SLC12A6: variants seen among roughly 807,000 people sequenced by gnomAD.
The protein encoded by SLC12A6 is solute carrier family 12 member 6.
A neutral mutation model predicts 135.3 loss-of-function variants in SLC12A6; 66 were observed. The ratio of observed to expected loss-of-function variants is 0.49; its 90% confidence interval spans 0.40 to 0.60. The LOEUF (loss-of-function observed/expected upper bound fraction) is 0.60. Ranked by LOEUF, SLC12A6 falls within the 20% of genes least tolerant of loss-of-function variation. SLC12A6 has a pLI of 0.00. For missense variants in SLC12A6, 1,058 were observed against 1,452.3 expected (o/e 0.73, Z 4.41); for synonymous variants, 513 against 508.8 (o/e 1.01, Z -0.11).
At chr15:34,320,801 C>CAGCTGTTG (rs60308261) in intron 2 of SLC12A6, among the ~76,000 whole-genome samples, 1 of 151,404 alleles carries the variant, frequency 6.6e-6, no homozygotes, top group Non-Finnish European at 1.5e-5. Flanking sequence ...CCTGTAGTTC[C>CAGCTGTTG]AGAAGGCTGA....
intron 14 of SLC12A6, 24 bp downstream of exon 14, chr15:34,245,668 GA>G (rs1373599888): frequency 6.3e-7 from 1 of 1,585,664 alleles, no homozygotes; most frequent in Non-Finnish European, 8.7e-7. Flanking sequence ...AAAAAAAGAA[GA>G]GGGCATAATA....
intron 24 of SLC12A6, 54 bp from the exon 25 acceptor site, chr15:34,235,368 G>A (rs1176370989): frequency 3.4e-6 from 5 of 1,490,346 alleles, no homozygotes; most frequent in African/African-American, 1.4e-5. Context: ...TAGCCATAAA[G>A]TCAACGTTAA....
chr15:34,230,959 T>G lies in SLC12A6; in HGVS notation c.*2922A>C, dbSNP rs1413557590. The G allele has an allele frequency of 6.6e-6, 1 of 152,176 alleles. No homozygotes were observed. Among genetic ancestry groups the G allele is most frequent in the African/African-American group, 2.4e-5 (1 of 41,424 alleles). The allele number at this position is 152,176 out of a possible 1,614,324, so 9.4% of individuals were successfully genotyped here. On this transcript the variant is annotated 3_prime_UTR_variant, in exon 26 of 26. Coordinates refer to ENST00000354181, the MANE Select transcript of SLC12A6 (RefSeq NM_001365088.1). ...ACTAACTTTACTTTCTGCCCATAAT[T>G]TGTTCTACATGGAAAAAAAAAATAT...
intron 2 of SLC12A6, among the ~76,000 whole-genome samples, chr15:34,322,283 A>C (rs1889145788): frequency 6.6e-6 from 1 of 152,142 alleles, no homozygotes; most frequent in Non-Finnish European, 1.5e-5. Flanking sequence ...GGGGAGGCTA[A>C]GGCAGGAGAA....
rs1892616672 is a variant in SLC12A6, at chr15:34,254,557, G to C, written c.909C>G (p.His303Gln). The C allele has an allele frequency of 3.7e-6, 6 of 1,609,154 alleles. No individual in the cohort carries two copies. The highest frequency in any genetic ancestry group is 5.1e-6 in the Non-Finnish European group (6 of 1,175,564). The change falls in exon 9 of 26, where the codon CAC (histidine) becomes CAG (glutamine). Residue 303 changes from histidine (H) to glutamine (Q), a missense_variant. Physicochemically the swap from His to Gln is conservative, Grantham distance 24. Coordinates refer to ENST00000354181, the MANE Select transcript of SLC12A6 (RefSeq NM_001365088.1). ...CTGATTCCTTGAGTGCGTCATCACT[G>C]TGAAAGATGGCAGCTCGGGGGACGA... ...VYIVPRAAIF[H>Q]SDDALKESAA...
chr15:34,315,507 G>A (rs1035047908), intron 2 of SLC12A6, among the ~76,000 whole-genome samples: 2 of 152,072 alleles, frequency 1.3e-5, no homozygotes, highest in Admixed American at 1.3e-4. Flanking sequence ...GGGGAGGATC[G>A]CTTGAGCCCA....
intron 2 of SLC12A6, among the ~76,000 whole-genome samples, chr15:34,313,931 T>G (rs1888442578): frequency 7.0e-6 from 1 of 142,998 alleles, no homozygotes; most frequent in Non-Finnish European, 1.5e-5. Flanking sequence ...ATAGTGAGAC[T>G]CCTGTCTCTT....
At chr15:34,290,711 T>C (rs951939278) in intron 2 of SLC12A6, among the ~76,000 whole-genome samples, 4 of 152,232 alleles carry the variant, frequency 2.6e-5, no homozygotes, top group Non-Finnish European at 5.9e-5. Flanking sequence ...GTTGAATTGA[T>C]TCCTTTACCA....
At chr15:34,318,775 G>T (rs1303450114) in intron 2 of SLC12A6, 1 of 1,587,160 alleles carries the variant, frequency 6.3e-7, no homozygotes, top group Non-Finnish European at 8.6e-7. Context: ...TTCAGACTGT[G>T]ATCCCTGCCT....
chr15:34,325,847 AC>A (rs1398620887), intron 2 of SLC12A6, among the ~76,000 whole-genome samples: 1 of 152,234 alleles, frequency 6.6e-6, no homozygotes, highest in Admixed American at 6.5e-5. Flanking sequence ...CAAGGAGCTC[AC>A]AGTCTTATTA....
In SLC12A6 at chr15:34,233,985, T is replaced by C; in HGVS notation, c.3362-13A>G. 1 of 1,411,442 alleles carries C rather than the reference T, an allele frequency of 7.1e-7. No individual in the cohort carries two copies. Among genetic ancestry groups the C allele is most frequent in the Non-Finnish European group, 1.0e-6 (1 of 994,678 alleles). 87.4% of individuals were successfully genotyped at this position (1,411,442 alleles called of 1,614,324 possible). A position where few individuals can be genotyped will look rare whatever the true frequency, so the allele number is the denominator to read the frequency against. Reference sequence around the variant, plus strand: ...AGGAACTCCATGTCTTCAAAACTTGTCAAGGAGACAGGCAAAAGAAGAGCA... The same window carrying C: ...AGGAACTCCATGTCTTCAAAACTTGCCAAGGAGACAGGCAAAAGAAGAGCA... On this transcript the variant is annotated splice_polypyrimidine_tract_variant and intron_variant, in intron 25 of 25. Coordinates refer to ENST00000354181, the MANE Select transcript of SLC12A6 (RefSeq NM_001365088.1).
intron 2 of SLC12A6, among the ~76,000 whole-genome samples, chr15:34,287,262 T>C (rs990029780): frequency 3.3e-5 from 5 of 152,222 alleles, no homozygotes; most frequent in East Asian, 3.9e-4. Flanking sequence ...GACAGTTTGC[T>C]GAGAATGATG....
intron 2 of SLC12A6, among the ~76,000 whole-genome samples, chr15:34,285,341 G>T (rs1894975011): frequency 6.6e-6 from 1 of 152,124 alleles, no homozygotes; most frequent in Non-Finnish European, 1.5e-5. Flanking sequence ...TCAAAGGAGG[G>T]ACTGACAAGA....
intron 10 of SLC12A6, among the ~76,000 whole-genome samples, chr15:34,251,438 G>A (rs533416810): frequency 6.6e-6 from 1 of 152,084 alleles, no homozygotes; most frequent in South Asian, 2.1e-4. Flanking sequence ...TAGTAGAGAC[G>A]AGGTTTCACC....
In SLC12A6 at chr15:34,232,410, T is replaced by G. The variant is rs1468207375; in HGVS notation, c.*1471A>C. ...GCCCAGCTAATTTTTGTATTTTTAG[T>G]ATAGACAGGTTTTCACCATGTTGGC... On this transcript the variant is annotated 3_prime_UTR_variant, in exon 26 of 26. Transcript: ENST00000354181. 1 of 152,132 alleles carries G rather than the reference T, an allele frequency of 6.6e-6. No individual in the cohort carries two copies. The highest frequency in any genetic ancestry group is 2.4e-5 in the African/African-American group (1 of 41,412). The allele number at this position is 152,132 out of a possible 1,614,324, so 9.4% of individuals were successfully genotyped here.
At position 34,308,652 on chromosome 15, in the gene SLC12A6, A is replaced by G. The variant is rs1887924505; in HGVS notation, c.271+27758T>C. Among the ~76,000 whole-genome samples the G allele has an allele frequency of 5.3e-5, 6 of 114,210 alleles. 1 individual carries two copies. 74.9% of individuals were successfully genotyped at this position (114,210 alleles called of 152,430 possible). A position where few individuals can be genotyped will look rare whatever the true frequency, so the allele number is the denominator to read the frequency against. On this transcript the variant is annotated intron_variant, in intron 2 of 25. Transcript: ENST00000354181. ...TGACAAAAAAAAAAAAAAAAAAAAA[A>G]CAAACCAGATTGTTGGATTAAGTCA...
chr15:34,319,468 C>A (rs549781223), intron 2 of SLC12A6, among the ~76,000 whole-genome samples: 1 of 152,056 alleles, frequency 6.6e-6, no homozygotes, highest in East Asian at 1.9e-4. Context: ...TTATACTGTC[C>A]TCTTTAAAGA....
At chr15:34,312,208 G>C (rs943199446) in intron 2 of SLC12A6, among the ~76,000 whole-genome samples, 2 of 152,182 alleles carry the variant, frequency 1.3e-5, no homozygotes, top group African/African-American at 4.8e-5. Flanking sequence ...ATAATTAGTA[G>C]GACTGGGATT....
chr15:34,300,750 C>T (rs1308291385), intron 2 of SLC12A6, among the ~76,000 whole-genome samples: 4 of 147,764 alleles, frequency 2.7e-5, no homozygotes, highest in African/African-American at 5.0e-5. Flanking sequence ...TGAGCTGAGA[C>T]GCACCACTGC....
Sources: gnomAD v4.1 joint callset for allele counts (sites outside exome capture counted in the v4.1 genomes callset) on GRCh38, gnomAD v4.1.1 for gene constraint, MANE v1.5 for transcripts, NCBI Gene and HGNC (gene_info 2026-07-23, HGNC 2026-07-21) for gene names.